The following ARHGAP32 variants were observed in gnomAD, a reference collection of about 807,000 sequenced individuals.
ARHGAP32 encodes Rho GTPase activating protein 32.
In ARHGAP32, 51 loss-of-function variants were observed where a neutral mutation model predicts 186.5. The observed-to-expected ratio is 0.27, with a 90% CI of 0.22 to 0.35. The LOEUF is 0.35. Among genes scored for constraint, ARHGAP32 ranks in the 10% least tolerant of loss-of-function variants. ARHGAP32 has a pLI of 1.00. For synonymous variants in ARHGAP32, 950 were observed against 964.3 expected, an observed-to-expected ratio of 0.99 and a Z score of 0.27; for missense variants, 2,186 against 2,623.5, an observed-to-expected ratio of 0.83 and a Z score of 3.64.
At chr11:129,030,241 G>A (rs1939054218) in intron 11 of ARHGAP32, among the ~76,000 whole-genome samples, 2 of 152,192 alleles carry the variant, frequency 1.3e-5, no homozygotes, top group Non-Finnish European at 2.9e-5. Flanking sequence ...TAAATGTGTG[G>A]TCACTTCTTA....
At chr11:129,060,045 A>T (rs1312429097) in intron 10 of ARHGAP32, among the ~76,000 whole-genome samples, 1 of 152,222 alleles carries the variant, frequency 6.6e-6, no homozygotes, top group Non-Finnish European at 1.5e-5. Flanking sequence ...TTGTTTTGGC[A>T]ATAAACTGAT....
At chr11:129,035,909 C>T (rs1939313822) in intron 11 of ARHGAP32, among the ~76,000 whole-genome samples, 1 of 152,116 alleles carries the variant, frequency 6.6e-6, no homozygotes, top group African/African-American at 2.4e-5. Flanking sequence ...AGACAAAATA[C>T]TAGCTTTTGA....
At chr11:129,077,276 A>T (rs1197193890) in intron 6 of ARHGAP32, among the ~76,000 whole-genome samples, 1 of 152,182 alleles carries the variant, frequency 6.6e-6, no homozygotes, top group African/African-American at 2.4e-5. Context: ...TTTCCTACGC[A>T]GAATCCAGGT....
intron 10 of ARHGAP32, among the ~76,000 whole-genome samples, chr11:129,049,310 G>C (rs1565395722): frequency 6.6e-6 from 1 of 152,188 alleles, no homozygotes. Flanking sequence ...AGAAGAGACA[G>C]ATATGATCAA....
chr11:129,063,976 T>C lies in ARHGAP32; in HGVS notation c.811A>G (p.Asn271Asp). 1 of 1,612,822 alleles carries C rather than the reference T, an allele frequency of 6.2e-7. No homozygotes were observed. Among genetic ancestry groups the C allele is most frequent in the Non-Finnish European group, 8.5e-7 (1 of 1,179,244 alleles). ...TGGGCAGCACCGACAGCAGGAGTGTTGATGGATGACTCCTCATGAACCAAA... is the reference window on the plus strand; with the variant it reads ...TGGGCAGCACCGACAGCAGGAGTGTCGATGGATGACTCCTCATGAACCAAA... ...HLLVHEESSI[N>D]TPAVGAAHVI... The change falls in exon 9 of 23, where the codon AAC becomes GAC. Residue 271 changes from asparagine (N) to aspartate (D), a missense_variant. Physicochemically the swap from Asn to Asp is conservative, Grantham distance 23. Transcript: ENST00000682385.
At chr11:129,208,747 C>T (rs1001170450) in intron 1 of ARHGAP32, among the ~76,000 whole-genome samples, 3 of 150,660 alleles carry the variant, frequency 2.0e-5, no homozygotes, top group Admixed American at 6.6e-5. Context: ...AAAATACATA[C>T]CAGCATAATA....
intron 2 of ARHGAP32, among the ~76,000 whole-genome samples, chr11:129,141,138 T>C (rs1943043673): frequency 6.6e-6 from 1 of 152,218 alleles, no homozygotes; most frequent in Non-Finnish European, 1.5e-5. Context: ...TTGTATATTG[T>C]CCATAATTAT....
intron 2 of ARHGAP32, among the ~76,000 whole-genome samples, chr11:129,164,066 C>T (rs1218346746): frequency 6.6e-6 from 1 of 152,100 alleles, no homozygotes; most frequent in East Asian, 1.9e-4. Flanking sequence ...CCCACAGAGG[C>T]CATCTGTGAC....
chr11:129,278,690 C>T (rs1752042238), intron 1 of ARHGAP32, among the ~76,000 whole-genome samples: 1 of 151,934 alleles, frequency 6.6e-6, no homozygotes, highest in Non-Finnish European at 1.5e-5. Flanking sequence ...AGACCTCTGG[C>T]CCCGCGGGGC....
At chr11:128,973,506 C>A in intron 21 of ARHGAP32, 74 bp from the exon 22 acceptor site, 2 of 1,488,844 alleles carry the variant, frequency 1.3e-6, no homozygotes, top group Admixed American at 2.0e-5. Context: ...GCCAAACACT[C>A]CCCATGTGAT....
intron 1 of ARHGAP32, among the ~76,000 whole-genome samples, chr11:129,236,681 A>G (rs1023226979): frequency 1.3e-5 from 2 of 152,168 alleles, no homozygotes; most frequent in Non-Finnish European, 2.9e-5. Context: ...TAGGTATACA[A>G]TCACATATCA....
chr11:129,039,869 A>G (rs920459976), intron 11 of ARHGAP32, among the ~76,000 whole-genome samples: 3 of 152,218 alleles, frequency 2.0e-5, no homozygotes, highest in Admixed American at 1.3e-4. Flanking sequence ...TGCTTCAAAA[A>G]GAACTGAGAA....
At chr11:129,212,811 T>A (rs1374296765) in intron 1 of ARHGAP32, among the ~76,000 whole-genome samples, 1 of 152,162 alleles carries the variant, frequency 6.6e-6, no homozygotes, top group African/African-American at 2.4e-5. Flanking sequence ...AAATATCACA[T>A]GTACCCCATA....
intron 1 of ARHGAP32, among the ~76,000 whole-genome samples, chr11:129,214,191 A>G (rs1336896832): frequency 1.3e-5 from 2 of 152,170 alleles, no homozygotes; most frequent in African/African-American, 4.8e-5. Context: ...GGCATCCCAG[A>G]TGAAATCCTG....
chr11:129,007,038 G>C (rs2134793994), intron 11 of ARHGAP32, among the ~76,000 whole-genome samples: 3 of 152,252 alleles, frequency 2.0e-5, no homozygotes, highest in African/African-American at 7.2e-5. Flanking sequence ...AGTACTGCCA[G>C]GTTACCATTG....
intron 1 of ARHGAP32, among the ~76,000 whole-genome samples, chr11:129,268,697 G>GAAAAAA (rs1945437673): frequency 1.1e-5 from 1 of 94,612 alleles, no homozygotes; most frequent in Non-Finnish European, 2.3e-5. Context: ...AAAAAAAAAG[G>GAAAAAA]TGAATTCCTC....
At position 128,984,117 on chromosome 11, in the gene ARHGAP32, T is replaced by TA. The variant is rs138549366; in HGVS notation, c.1526+1885dup. Among the ~76,000 whole-genome samples, 878 of 152,282 alleles carry TA rather than the reference T, an allele frequency of 5.8e-3. 3 individuals are homozygous for TA. The highest frequency in any genetic ancestry group is 0.02 in the African/African-American group (829 of 41,548). ...GGCCGGGCACAGTGGCTCACACCTGTAATCCCAGCACTTTGGGATGCTGAG... is the reference window on the plus strand; with the variant it reads ...GGCCGGGCACAGTGGCTCACACCTGTAAATCCCAGCACTTTGGGATGCTGAG... On this transcript the variant is annotated intron_variant, in intron 15 of 22. Transcript: ENST00000682385.
intron 11 of ARHGAP32, among the ~76,000 whole-genome samples, chr11:129,016,674 C>G (rs975792788): frequency 2.6e-5 from 4 of 152,132 alleles, no homozygotes; most frequent in Admixed American, 2.0e-4. Context: ...CTATTATTTT[C>G]TAAAACTGCC....
intron 10 of ARHGAP32, among the ~76,000 whole-genome samples, chr11:129,053,002 A>C (rs1406153607): frequency 6.6e-6 from 1 of 152,116 alleles, no homozygotes; most frequent in East Asian, 1.9e-4. Flanking sequence ...ATTTCTATAA[A>C]ATTGAGTTTT....
Sources: allele counts gnomAD v4.1 joint callset (sites outside exome capture counted in the v4.1 genomes callset), GRCh38; gene constraint gnomAD v4.1.1; transcripts MANE v1.5; gene names NCBI Gene and HGNC (gene_info 2026-07-23, HGNC 2026-07-21).